Variants in TNNI3 observed in about 807,000 individuals in gnomAD.
TNNI3 encodes the protein troponin I3, cardiac type, also known as troponin I, cardiac muscle.
Under a neutral mutation model 31.5 loss-of-function variants are expected in TNNI3, and 23 were observed. The observed-to-expected ratio is 0.73, with a 90% CI of 0.52 to 1.03. The LOEUF is 1.03. TNNI3 is among the 50% of genes least tolerant of loss of function. The pLI, the probability that TNNI3 is intolerant of heterozygous loss-of-function variation, is 0.00. For missense variants in TNNI3, 236 were observed against 282.9 expected (o/e 0.83, Z 1.19); for synonymous variants, 120 against 111.7 (o/e 1.07, Z -0.47).
rs2085731537 is a variant in TNNI3, at chr19:55,156,509, C to T, written c.150+94G>A. 6.6e-7 allele frequency: 1 copy of T among 1,525,568 alleles called. No homozygotes were observed. Among genetic ancestry groups the T allele is most frequent in the Non-Finnish European group, 8.9e-7 (1 of 1,126,440 alleles). 94.5% of individuals were successfully genotyped at this position (1,525,568 alleles called of 1,614,324 possible). ...CACGCCCCGAGCGGCCAAACCCCGCCCACTTCCGCCCACCTACCCCGAAAG... is the reference window on the plus strand; with the variant it reads ...CACGCCCCGAGCGGCCAAACCCCGCTCACTTCCGCCCACCTACCCCGAAAG... On this transcript the variant is annotated intron_variant, in intron 4 of 7. Transcript: ENST00000344887. The surrounding 1 kb of genome is among the most constrained non-coding windows in gnomAD (Gnocchi z 4.6).
intron 5 of TNNI3, among the ~76,000 whole-genome samples, chr19:55,155,338 G>A (rs1360358749): frequency 3.0e-5 from 2 of 66,680 alleles, no homozygotes; most frequent in Non-Finnish European, 5.7e-5. Flanking sequence ...TCCAGGGTCT[G>A]AGGGAGGAGG....
At position 55,156,683 on chromosome 19, in the gene TNNI3, G is replaced by C; in HGVS notation, c.109-39C>G. On this transcript the variant is annotated intron_variant, in intron 3 of 7. Coordinates refer to ENST00000344887, the MANE Select transcript of TNNI3 (RefSeq NM_000363.5). This position sits in a 1 kb window ranked among gnomAD's most constrained non-coding sequence, Gnocchi z 4.6. ...ATGGAGCAAGGAAGGATCATGGAGG[G>C]GGATTCGGAGACGACGGTGGAGGGG... 1 of 1,554,984 alleles carries C rather than the reference G, an allele frequency of 6.4e-7. No homozygotes were observed. The highest frequency in any genetic ancestry group is 2.4e-5 in the East Asian group (1 of 41,524).
At position 55,157,132 on chromosome 19, in the gene TNNI3, G is replaced by A. The variant is rs771967539; in HGVS notation, c.26C>T (p.Ala9Val). 1.3e-6 allele frequency: 2 copies of A among 1,599,980 alleles called. No individual in the cohort carries two copies. Among genetic ancestry groups the A allele is most frequent in the Non-Finnish European group, 1.7e-6 (2 of 1,175,074 alleles). MADGSSDA[A>V]REPRPAPAPI... ...GGCTGGTGCAGGGCGAGGTTCCCTA[G>A]CCTGGGTTAGGAGGAGTGGGGACCC... Residue 9 changes from alanine (A) to valine (V), a missense_variant and splice_region_variant, in exon 3 of 8, where the codon GCT (alanine) becomes GTT (valine). By Grantham distance (64) the Ala-to-Val change is moderately conservative. This residue lies in a region of TNNI3 where 172 missense variants were observed against 171.8 expected (regional missense o/e 1.00). Coordinates refer to ENST00000344887, the MANE Select transcript of TNNI3 (RefSeq NM_000363.5). The surrounding 1 kb of genome is among the most constrained non-coding windows in gnomAD (Gnocchi z 6.3).
In TNNI3 at chr19:55,154,844, G is replaced by A. The variant is rs1369387084; in HGVS notation, c.283-14C>T. 1.2e-6 allele frequency: 2 copies of A among 1,613,306 alleles called. No homozygotes were observed. The highest frequency in any genetic ancestry group is 1.7e-6 in the Non-Finnish European group (2 of 1,179,390). ...TCGGCACAAGTCCTGGAGGAGGAACGTGGTGTGTGTTGTTGGGGGAACCAA... is the reference window on the plus strand; with the variant it reads ...TCGGCACAAGTCCTGGAGGAGGAACATGGTGTGTGTTGTTGGGGGAACCAA... On this transcript the variant is annotated splice_polypyrimidine_tract_variant and intron_variant, in intron 5 of 7. Coordinates refer to ENST00000344887, the MANE Select transcript of TNNI3 (RefSeq NM_000363.5).
In TNNI3 at chr19:55,151,775, CA is replaced by C; in HGVS notation, c.*58del. The C allele has an allele frequency of 6.5e-7, 1 of 1,542,026 alleles. No individual in the cohort carries two copies. The highest frequency in any genetic ancestry group is 1.1e-5 in the South Asian group (1 of 89,410). ...AATAGACATGGAGTCACTTTCAGCT[CA>C]GAGAGAAGCTTTATTCCTCAGGGCC... On this transcript the variant is annotated 3_prime_UTR_variant, in exon 8 of 8. Coordinates refer to ENST00000344887, the MANE Select transcript of TNNI3 (RefSeq NM_000363.5).
intron 5 of TNNI3, 123 bp from the exon 6 acceptor site, chr19:55,154,953 G>C (rs1159201019): frequency 3.8e-6 from 3 of 793,634 alleles, no homozygotes; most frequent in African/African-American, 1.8e-5. Context: ...AGAAGGGGCT[G>C]GGGGCCTGGA....
In TNNI3 at chr19:55,152,015, C is replaced by A; in HGVS notation, c.550-98G>T. ...CTCCAGCCTGTGGGGCCACTCTACC[C>A]TGGATGCCTAAGTATCTAGTTCTGG... On this transcript the variant is annotated intron_variant, in intron 7 of 7. Coordinates refer to ENST00000344887, the MANE Select transcript of TNNI3 (RefSeq NM_000363.5). This position sits in a 1 kb window ranked among gnomAD's most constrained non-coding sequence, Gnocchi z 4.0. 1.8e-6 allele frequency: 2 copies of A among 1,084,660 alleles called. No individual in the cohort carries two copies. The highest frequency in any genetic ancestry group is 1.4e-6 in the Non-Finnish European group (1 of 714,144). The allele number at this position is 1,084,660 out of a possible 1,614,324, so 67.2% of individuals were successfully genotyped here.
Position 55,156,783 on chromosome 19 carries a change from G to T in TNNI3, c.109-139C>A, listed in dbSNP as rs1050310073. The T allele has an allele frequency of 1.0e-6, 1 of 996,562 alleles. No individual in the cohort carries two copies. Among genetic ancestry groups the T allele is most frequent in the Admixed American group, 2.0e-5 (1 of 49,880 alleles). 61.7% of individuals were successfully genotyped at this position (996,562 alleles called of 1,614,324 possible). The stretch of plus-strand genomic sequence containing the variant: ...TCCAACTTGAGCCCTGAGTCTACGG[G>T]AGGCCACGCCCCTCATTCCCATCCA... On this transcript the variant is annotated intron_variant, in intron 3 of 7. Coordinates refer to ENST00000344887, the MANE Select transcript of TNNI3 (RefSeq NM_000363.5). The surrounding 1 kb of genome is among the most constrained non-coding windows in gnomAD (Gnocchi z 4.6).
chr19:55,156,185 C>T lies in TNNI3; in HGVS notation c.282+16G>A. ...AATTCCGGGACTAGAAACCTCGCAT[C>T]CTTGGGAGCCGGTACCTGCAGCTCC... On this transcript the variant is annotated intron_variant, in intron 5 of 7. Transcript: ENST00000344887. The surrounding 1 kb of genome is among the most constrained non-coding windows in gnomAD (Gnocchi z 4.6). The T allele has an allele frequency of 1.9e-6, 3 of 1,612,754 alleles. No homozygotes were observed. The highest frequency in any genetic ancestry group is 1.7e-6 in the Non-Finnish European group (2 of 1,179,836).
Position 55,157,094 on chromosome 19 carries a change from G to A in TNNI3, c.64C>T (p.Arg22Cys). 1 of 1,602,808 alleles carries A rather than the reference G, an allele frequency of 6.2e-7. No individual in the cohort carries two copies. The highest frequency in any genetic ancestry group is 8.5e-7 in the Non-Finnish European group (1 of 1,176,488). ...PRPAPAPIRR[R>C]SSNYRAYATE... ...GCATAAGCGCGGTAGTTGGAGGAGCGGCGTCTGATTGGGGCTGGTGCAGGG... is the reference window on the plus strand; with the variant it reads ...GCATAAGCGCGGTAGTTGGAGGAGCAGCGTCTGATTGGGGCTGGTGCAGGG... The change falls in exon 3 of 8, where the codon CGC (arginine) becomes TGC (cysteine). Residue 22 changes from arginine (R) to cysteine (C), a missense_variant. Physicochemically the swap from Arg to Cys is radical, Grantham distance 180. Transcript: ENST00000344887. This position sits in a 1 kb window ranked among gnomAD's most constrained non-coding sequence, Gnocchi z 6.3.
intron 6 of TNNI3, 28 bp from the exon 7 acceptor site, chr19:55,154,234 T>A (rs763182808): frequency 6.2e-7 from 1 of 1,605,382 alleles, no homozygotes; most frequent in Non-Finnish European, 8.5e-7. Context: ...GGTGGGTACT[T>A]CTCCTTCCAT....
rs1285163191 is a variant in TNNI3 at position 55,154,737 on chromosome 19, C to A, written c.372+4G>T. The A allele has an allele frequency of 6.2e-7, 1 of 1,614,064 alleles. No individual in the cohort carries two copies. The highest frequency in any genetic ancestry group is 2.2e-5 in the East Asian group (1 of 44,878). On this transcript the variant is annotated splice_donor_region_variant and intron_variant, in intron 6 of 7. Transcript: ENST00000344887. ...AAGGTACCCGAGCTGCCCATGCGTCCCACCTCCGTGATGTTCTTGGTGACT... is the reference window on the plus strand; with the variant it reads ...AAGGTACCCGAGCTGCCCATGCGTCACACCTCCGTGATGTTCTTGGTGACT...
At chr19:55,155,374 G>C (rs551552171) in intron 5 of TNNI3, among the ~76,000 whole-genome samples, 1 of 71,024 alleles carries the variant, frequency 1.4e-5, no homozygotes, top group Non-Finnish European at 2.7e-5. Flanking sequence ...TCCAGGGTCT[G>C]AGGGAGGAGA....
At chr19:55,154,553 C>A in intron 6 of TNNI3, 188 bp downstream of exon 6, 1 of 678,140 alleles carries the variant, frequency 1.5e-6, no homozygotes, top group Non-Finnish European at 2.7e-6. Flanking sequence ...ATGTGCTGTT[C>A]CCTCTGCCTA....
Position 55,154,806 on chromosome 19 carries a change from GGGCGTGGAGC to G in TNNI3, c.297_306del (p.Gln99HisfsTer13). On this transcript the variant is annotated frameshift_variant, in exon 6 of 8. Coordinates refer to ENST00000344887, the MANE Select transcript of TNNI3 (RefSeq NM_000363.5). LOFTEE classifies it high-confidence loss of function. ...CTCTCTTCATCCACCTTGTCCACAC[GGGCGTGGAGC>G]TGTCGGCACAAGTCCTGGAGGAGGA... is the stretch of plus-strand genomic sequence containing the variant. 6.2e-7 allele frequency: 1 copy of G among 1,614,158 alleles called. No homozygotes were observed. The highest frequency in any genetic ancestry group is 8.5e-7 in the Non-Finnish European group (1 of 1,180,014).
At position 55,157,386 on chromosome 19, in the gene TNNI3, T is replaced by C; in HGVS notation, c.12-78A>G. On this transcript the variant is annotated intron_variant, in intron 1 of 7. Transcript: ENST00000344887. The surrounding 1 kb of genome is among the most constrained non-coding windows in gnomAD (Gnocchi z 6.3). Reference sequence around the variant, plus strand: ...CCTAAGGGACCCCTGGAGTCCCCTCTGAACAAGAGGTCGGGGGACCGCGCT... The same window carrying C: ...CCTAAGGGACCCCTGGAGTCCCCTCCGAACAAGAGGTCGGGGGACCGCGCT... 6.2e-7 allele frequency: 1 copy of C among 1,608,220 alleles called. No individual in the cohort carries two copies. Among genetic ancestry groups the C allele is most frequent in the Non-Finnish European group, 8.5e-7 (1 of 1,176,226 alleles).
Position 55,154,218 on chromosome 19 carries a change from C to A in TNNI3, c.373-12G>T, listed in dbSNP as rs1245134582. 3 of 1,610,224 alleles carry A rather than the reference C, an allele frequency of 1.9e-6. No individual in the cohort carries two copies. Among genetic ancestry groups the A allele is most frequent in the South Asian group, 2.2e-5 (2 of 91,068 alleles). The stretch of plus-strand genomic sequence containing the variant: ...GTCAGATCTGCAATCTGGGGGCACA[C>A]GAGGGGGTGGGTACTTCTCCTTCCA... On this transcript the variant is annotated splice_polypyrimidine_tract_variant and intron_variant, in intron 6 of 7. Coordinates refer to ENST00000344887, the MANE Select transcript of TNNI3 (RefSeq NM_000363.5).
rs1296214772 is a variant in TNNI3 at position 55,157,013 on chromosome 19, G to C, written c.108+37C>G. 5.8e-6 allele frequency: 9 copies of C among 1,553,262 alleles called. No homozygotes were observed. In the Admixed American group the frequency reaches 1.4e-4, roughly 24 times the overall value. Reference sequence around the variant, plus strand: ...CACTCCCAGGGTCTTGGATCCCTCCGGCGCCTGTACTCTGCCCCCAGGAAG... The same window carrying C: ...CACTCCCAGGGTCTTGGATCCCTCCCGCGCCTGTACTCTGCCCCCAGGAAG... On this transcript the variant is annotated intron_variant, in intron 3 of 7. Transcript: ENST00000344887. This position sits in a 1 kb window ranked among gnomAD's most constrained non-coding sequence, Gnocchi z 6.3.
In TNNI3 at chr19:55,156,056, G is replaced by T; in HGVS notation, c.282+145C>A. 1 of 1,223,348 alleles carries T rather than the reference G, an allele frequency of 8.2e-7. No homozygotes were observed. Among genetic ancestry groups the T allele is most frequent in the Admixed American group, 2.0e-5 (1 of 51,122 alleles). 75.8% of individuals were successfully genotyped at this position (1,223,348 alleles called of 1,614,324 possible). On this transcript the variant is annotated intron_variant, in intron 5 of 7. Transcript: ENST00000344887. This position sits in a 1 kb window ranked among gnomAD's most constrained non-coding sequence, Gnocchi z 4.6. The stretch of plus-strand genomic sequence containing the variant: ...GACTCCACAGACCTGCACACAAAGG[G>T]TGTTAGGGGCCAGGAGTCCCACGAA...
Sources: allele counts gnomAD v4.1 joint callset (sites outside exome capture counted in the v4.1 genomes callset), GRCh38; gene constraint gnomAD v4.1.1; regional missense constraint gnomAD v4.1.1; non-coding constraint Gnocchi (gnomAD v3.1); transcripts MANE v1.5; gene names NCBI Gene and HGNC (gene_info 2026-07-23, HGNC 2026-07-21).